The following KDM2B variants were observed in gnomAD, a reference collection of about 807,000 sequenced individuals.
KDM2B encodes the protein lysine demethylase 2B.
Under a neutral mutation model 150.0 loss-of-function variants are expected in KDM2B, and 26 were observed. The ratio of observed to expected loss-of-function variants is 0.17; its 90% confidence interval spans 0.13 to 0.24. The LOEUF (loss-of-function observed/expected upper bound fraction) is 0.24. KDM2B is among the 10% of genes least tolerant of loss of function. KDM2B has a pLI of 1.00. For missense variants in KDM2B, 1,265 were observed against 1,816.9 expected (o/e 0.70, Z 5.52); for synonymous variants, 734 against 729.5 (o/e 1.01, Z -0.10).
At chr12:121,419,433 G>C in the KDM2B span, among the ~76,000 whole-genome samples, 16 of 152,304 alleles carry the variant, frequency 1.1e-4, no homozygotes, top group Non-Finnish European at 2.2e-4. Flanking sequence ...GTCCAAGCCA[G>C]GAGTTTTATT....
chr12:121,478,642 A>C (rs1448952623), intron 12 of KDM2B, among the ~76,000 whole-genome samples: 9 of 151,482 alleles, frequency 5.9e-5, no homozygotes, highest in Admixed American at 5.9e-4. Flanking sequence ...TACAGGCGTG[A>C]GCCACTGCGC....
At chr12:121,560,026 G>A (rs1022734349) in intron 4 of KDM2B, among the ~76,000 whole-genome samples, 16 of 151,934 alleles carry the variant, frequency 1.1e-4, no homozygotes, top group African/African-American at 3.6e-4. Context: ...TTTTATTTAG[G>A]AGACGTCTCG....
chr12:121,458,529 C>T (rs909023831), intron 12 of KDM2B, among the ~76,000 whole-genome samples: 9 of 150,702 alleles, frequency 6.0e-5, no homozygotes, highest in African/African-American at 1.7e-4. Context: ...GGGGTGGGGG[C>T]GGTGACTCAC....
At chr12:121,497,558 G>A (rs1344079532) in intron 11 of KDM2B, among the ~76,000 whole-genome samples, 2 of 150,530 alleles carry the variant, frequency 1.3e-5, no homozygotes, top group East Asian at 2.0e-4. Flanking sequence ...CACCCGCCTC[G>A]GCCTCCCAAA....
At chr12:121,576,366 T>C (rs1439709763) in intron 2 of KDM2B, among the ~76,000 whole-genome samples, 1 of 152,132 alleles carries the variant, frequency 6.6e-6, no homozygotes, top group Non-Finnish European at 1.5e-5. Context: ...TGTAATATCC[T>C]GCATAGTGAA....
chr12:121,550,282 C>T (rs1374347893), intron 4 of KDM2B, among the ~76,000 whole-genome samples: 1 of 151,468 alleles, frequency 6.6e-6, no homozygotes, highest in Non-Finnish European at 1.5e-5. Context: ...CTCACTCCAG[C>T]CTGGGCAACA....
At chr12:121,574,519 TG>T in intron 4 of KDM2B, 27 bp downstream of exon 4, 2 of 1,611,518 alleles carry the variant, frequency 1.2e-6, no homozygotes, top group Non-Finnish European at 1.7e-6. Flanking sequence ...TCAGCATGTC[TG>T]AGCCACACAC....
At chr12:121,463,212 G>A (rs1879354524) in intron 12 of KDM2B, among the ~76,000 whole-genome samples, 1 of 152,088 alleles carries the variant, frequency 6.6e-6, no homozygotes. Flanking sequence ...CCACTCAGGA[G>A]GCTGAGGCAG....
intron 4 of KDM2B, among the ~76,000 whole-genome samples, chr12:121,568,556 T>C (rs190544009): frequency 2.0e-5 from 3 of 152,128 alleles, no homozygotes; most frequent in South Asian, 2.1e-4. Flanking sequence ...GAATTGTATA[T>C]ACACAAAGCT....
chr12:121,460,176 T>C (rs782052051), intron 12 of KDM2B, among the ~76,000 whole-genome samples: 15 of 152,238 alleles, frequency 9.9e-5, no homozygotes, highest in Non-Finnish European at 2.1e-4. Flanking sequence ...CTGTGAATTA[T>C]GTATCTGATT....
the KDM2B span, chr12:121,409,913 T>G: frequency 6.6e-6 from 1 of 152,232 alleles, no homozygotes; most frequent in Non-Finnish European, 1.5e-5. Context: ...CCCAGCACTT[T>G]GGGAAGCCGA....
At chr12:121,526,730 C>T (rs1368369988) in intron 8 of KDM2B, among the ~76,000 whole-genome samples, 2 of 151,924 alleles carry the variant, frequency 1.3e-5, no homozygotes, top group Non-Finnish European at 2.9e-5. Flanking sequence ...GTCTCTAAAA[C>T]AAAATTTAAA....
In KDM2B at chr12:121,442,424, C is replaced by CG; in HGVS notation, c.3016dup (p.Arg1006ProfsTer48). On this transcript the variant is annotated frameshift_variant, in exon 19 of 23. Coordinates refer to ENST00000377071, the MANE Select transcript of KDM2B (RefSeq NM_032590.5). LOFTEE classifies it high-confidence loss of function. This position sits in a 1 kb window ranked among gnomAD's most constrained non-coding sequence, Gnocchi z 7.7. ...GGGCCCCAGCTGGTGCCGCAGCTCC[C>CG]GGGGGGTGCCGTTGAGCCCCTTGCT... 1 of 1,598,128 alleles carries CG rather than the reference C, an allele frequency of 6.3e-7. No homozygotes were observed.
intron 12 of KDM2B, among the ~76,000 whole-genome samples, chr12:121,489,209 G>C (rs1037500488): frequency 4.6e-5 from 7 of 151,562 alleles, no homozygotes; most frequent in Non-Finnish European, 7.4e-5. Flanking sequence ...CCTCCCAAAG[G>C]GCTGGGATTA....
At chr12:121,581,697 C>T (rs1371528939), upstream of KDM2B, among the ~76,000 whole-genome samples, 1 of 152,192 alleles carries the variant, frequency 6.6e-6, no homozygotes, top group East Asian at 1.9e-4. Flanking sequence ...ATACTTGGAG[C>T]AGGTCATTTT....
At chr12:121,416,332 A>G in the KDM2B span, 1 of 1,614,146 alleles carries the variant, frequency 6.2e-7, no homozygotes, top group Non-Finnish European at 8.5e-7. Context: ...GGCCCAACAT[A>G]GTTTGTAAAG....
At chr12:121,509,386 T>C (rs1885378087) in intron 11 of KDM2B, among the ~76,000 whole-genome samples, 181 bp downstream of exon 11, 1 of 151,956 alleles carries the variant, frequency 6.6e-6, no homozygotes, top group African/African-American at 2.4e-5. Flanking sequence ...TGATGGCCTC[T>C]GCTTGGACAC....
chr12:121,443,188 GC>G, intron 17 of KDM2B, 158 bp from the exon 18 acceptor site: 2 of 679,954 alleles, frequency 2.9e-6, no homozygotes, highest in Non-Finnish European at 5.1e-6. Context: ...CGACAGACGG[GC>G]GAGCCCTGCC....
intron 12 of KDM2B, among the ~76,000 whole-genome samples, chr12:121,484,253 C>T (rs993935356): frequency 2.0e-5 from 3 of 151,994 alleles, no homozygotes; most frequent in African/African-American, 4.8e-5. Context: ...GCAACTGGAA[C>T]GCGTCAGCTC....
Sources: gnomAD v4.1 joint callset for allele counts (sites outside exome capture counted in the v4.1 genomes callset) on GRCh38, gnomAD v4.1.1 for gene constraint, Gnocchi (gnomAD v3.1) non-coding constraint, MANE v1.5 for transcripts, NCBI Gene and HGNC (gene_info 2026-07-23, HGNC 2026-07-21) for gene names.